The following DNAH11 variants were observed in gnomAD, a reference collection of about 807,000 sequenced individuals.
DNAH11 encodes dynein axonemal heavy chain 11, also known as axonemal beta dynein heavy chain 11.
DNAH11 carries 442 observed loss-of-function variants against 526.0 expected under a neutral mutation model. That is an observed-to-expected ratio of 0.84 (90% CI 0.78 to 0.91). DNAH11 has a LOEUF of 0.91. Among genes scored for constraint, DNAH11 ranks in the 40% least tolerant of loss-of-function variants. DNAH11 has a pLI of 0.00. For missense variants in DNAH11, 6,989 were observed against 5,448.7 expected, an observed-to-expected ratio of 1.28 and a Z score of -8.90; for synonymous variants, 2,461 against 1,935.9, an observed-to-expected ratio of 1.27 and a Z score of -7.12.
intron 44 of DNAH11, among the ~76,000 whole-genome samples, chr7:21,723,037 C>G (rs1159879242): frequency 6.6e-6 from 1 of 152,114 alleles, no homozygotes; most frequent in Non-Finnish European, 1.5e-5. Context: ...AATTAATAGT[C>G]AACATGAGCA....
intron 30 of DNAH11, among the ~76,000 whole-genome samples, chr7:21,661,941 C>A (rs997920317): frequency 6.6e-6 from 1 of 152,046 alleles, no homozygotes; most frequent in African/African-American, 2.4e-5. Context: ...GCCACAGCCT[C>A]CTGAGTAGCT....
At chr7:21,698,918 C>A (rs575201925) in intron 36 of DNAH11, among the ~76,000 whole-genome samples, 51 of 152,060 alleles carry the variant, frequency 3.4e-4, no homozygotes, top group African/African-American at 1.2e-3. Flanking sequence ...TTTATATTTT[C>A]TATAAAATTC....
In DNAH11 at chr7:21,655,560, A is replaced by AGC. The variant is rs566779722; in HGVS notation, c.4945-271_4945-270dup. On this transcript the variant is annotated intron_variant, in intron 28 of 81. Transcript: ENST00000409508. Reference sequence around the variant, plus strand: ...TATGGTACAGATAGAGAAGTCAGTAAGCATCCAGTCATCAAGTAGAAAATA... The same window carrying AGC: ...TATGGTACAGATAGAGAAGTCAGTAAGCGCATCCAGTCATCAAGTAGAAAATA... Among the ~76,000 whole-genome samples the AGC allele has an allele frequency of 4.1e-3, 628 of 152,336 alleles. 1 individual carries two copies. The highest frequency in any genetic ancestry group is 6.6e-3 in the Non-Finnish European group (450 of 68,038).
intron 26 of DNAH11, among the ~76,000 whole-genome samples, chr7:21,637,191 T>C (rs1786901978): frequency 6.6e-6 from 1 of 152,006 alleles, no homozygotes; most frequent in African/African-American, 2.4e-5. Context: ...TCTCTCTCTT[T>C]CTCTCTCTCC....
chr7:21,694,262 A>G (rs60414428), intron 35 of DNAH11, among the ~76,000 whole-genome samples: 20,484 of 152,088 alleles, frequency 0.13, 1,425 homozygotes, highest in East Asian at 0.21. Context: ...TACATGTGCA[A>G]TGGTCGTTTG....
At chr7:21,728,623 TATC>T (rs1354914757) in intron 45 of DNAH11, among the ~76,000 whole-genome samples, 1 of 152,148 alleles carries the variant, frequency 6.6e-6, no homozygotes, top group Admixed American at 6.5e-5. Flanking sequence ...ATAATCCAAA[TATC>T]ATCTACATGA....
chr7:21,768,696 G>C (rs1306207345), intron 55 of DNAH11, among the ~76,000 whole-genome samples: 1 of 152,194 alleles, frequency 6.6e-6, no homozygotes, highest in Non-Finnish European at 1.5e-5. Flanking sequence ...GCTTGTGAAG[G>C]ACATATTTTA....
At position 21,749,787 on chromosome 7, in the gene DNAH11, A is replaced by G; in HGVS notation, c.8783A>G (p.Asp2928Gly). Reference protein sequence around the residue: ...LDESFLVLINDLLASGEIPDL... With the variant: ...LDESFLVLINGLLASGEIPDL... ...GAGAGCTTCCTCGTGCTGATTAATG[A>G]CTTGCTGGCATCAGGTGATTAAACC... is the stretch of plus-strand genomic sequence containing the variant. Residue 2928 changes from aspartate to glycine, a missense_variant, in exon 53 of 82, where the codon GAC (aspartate) becomes GGC (glycine). Transcript: ENST00000409508. 2 of 1,613,902 alleles carry G rather than the reference A, an allele frequency of 1.2e-6. No homozygotes were observed. The highest frequency in any genetic ancestry group is 1.7e-6 in the Non-Finnish European group (2 of 1,179,822).
At chr7:21,799,212 G>A (rs899524671) in intron 61 of DNAH11, among the ~76,000 whole-genome samples, 14 of 152,196 alleles carry the variant, frequency 9.2e-5, no homozygotes, top group Non-Finnish European at 1.9e-4. Flanking sequence ...TGCTTAGCTG[G>A]TAGCAGCATC....
At chr7:21,610,341 A>G (rs1785470704) in intron 20 of DNAH11, among the ~76,000 whole-genome samples, 1 of 152,220 alleles carries the variant, frequency 6.6e-6, no homozygotes, top group Admixed American at 6.5e-5. Context: ...CCGGTTTTAT[A>G]CTACCCCTCT....
intron 54 of DNAH11, among the ~76,000 whole-genome samples, chr7:21,761,839 T>G (rs2128496821): frequency 6.6e-6 from 1 of 152,336 alleles, no homozygotes; most frequent in East Asian, 1.9e-4. Context: ...GTGACCATTC[T>G]GTATTATTTT....
Position 21,707,841 on chromosome 7 carries a change from A to G in DNAH11, c.6683+6A>G. 2.5e-6 allele frequency: 4 copies of G among 1,590,270 alleles called. No individual in the cohort carries two copies. Among genetic ancestry groups the G allele is most frequent in the Non-Finnish European group, 3.4e-6 (4 of 1,169,834 alleles). On this transcript the variant is annotated splice_donor_region_variant and intron_variant, in intron 40 of 81. Coordinates refer to ENST00000409508, the MANE Select transcript of DNAH11 (RefSeq NM_001277115.2). The stretch of plus-strand genomic sequence containing the variant: ...CGAGAATGGAAAGATGGCAAGTAGT[A>G]TTTCCCCTTTAGAAGTGCTCAATTT...
rs781605658 is a variant in DNAH11, at chr7:21,742,088, A to G, written c.8076A>G (p.Thr2692=). 37 of 1,613,804 alleles carry G rather than the reference A, an allele frequency of 2.3e-5. No homozygotes were observed. Among genetic ancestry groups the G allele is most frequent in the Non-Finnish European group, 3.0e-5 (35 of 1,179,852 alleles). The part of the protein sequence containing the change: ...LIQATIAFHQ[T]MMCNFLPTAI... The stretch of plus-strand genomic sequence containing the variant: ...AGGCAACAATAGCATTCCATCAGAC[A>G]ATGATGTGTAACTTTTTACCCACGG... Residue 2692 remains threonine, a synonymous_variant, in exon 49 of 82, where the codon ACA becomes ACG. Transcript: ENST00000409508.
intron 57 of DNAH11, among the ~76,000 whole-genome samples, chr7:21,780,977 T>C (rs1276323054): frequency 6.6e-6 from 1 of 152,126 alleles, no homozygotes; most frequent in Non-Finnish European, 1.5e-5. Context: ...TAGAGAGACA[T>C]GATGGTGGGA....
intron 65 of DNAH11, among the ~76,000 whole-genome samples, chr7:21,830,702 G>A (rs919248412): frequency 5.9e-5 from 9 of 152,032 alleles, no homozygotes; most frequent in Non-Finnish European, 1.3e-4. Flanking sequence ...TCAGTTGAGT[G>A]ATCTCTAGTG....
At chr7:21,595,878 A>C (rs1347663380) in intron 14 of DNAH11, among the ~76,000 whole-genome samples, 4 of 152,104 alleles carry the variant, frequency 2.6e-5, no homozygotes, top group Non-Finnish European at 5.9e-5. Flanking sequence ...TTAGGAGACC[A>C]GGGAGAAGAA....
intron 63 of DNAH11, among the ~76,000 whole-genome samples, chr7:21,816,116 A>G (rs2189022): frequency 0.43 from 64,708 of 151,866 alleles, 14,809 homozygotes; most frequent in East Asian, 0.82. Flanking sequence ...GGTGGGGGGC[A>G]TGGATTGCTC....
chr7:21,655,949 C>G lies in DNAH11; in HGVS notation c.5062C>G (p.Pro1688Ala), dbSNP rs1781998384. 3.1e-6 allele frequency: 5 copies of G among 1,608,726 alleles called. No individual in the cohort carries two copies. Among genetic ancestry groups the G allele is most frequent in the South Asian group, 2.2e-5 (2 of 89,936 alleles). Residue 1688 changes from proline (P) to alanine (A), a missense_variant, in exon 29 of 82, where the codon CCA (proline) becomes GCA (alanine). Coordinates refer to ENST00000409508, the MANE Select transcript of DNAH11 (RefSeq NM_001277115.2). ...GMYSKEKEYVPFQAECECVGH... is the reference protein window; with the variant it reads ...GMYSKEKEYVAFQAECECVGH... ...GTACAGCAAAGAAAAGGAGTATGTCCCATTCCAAGCCGAGTGTGAATGTGT... is the reference window on the plus strand; with the variant it reads ...GTACAGCAAAGAAAAGGAGTATGTCGCATTCCAAGCCGAGTGTGAATGTGT...
chr7:21,672,349 G>C (rs1276138499), intron 30 of DNAH11, among the ~76,000 whole-genome samples: 2 of 152,186 alleles, frequency 1.3e-5, no homozygotes, highest in Admixed American at 6.5e-5. Context: ...GCAGTAACGT[G>C]ATCATAGCTC....
Sources: allele counts gnomAD v4.1 joint callset (sites outside exome capture counted in the v4.1 genomes callset), GRCh38; gene constraint gnomAD v4.1.1; transcripts MANE v1.5; gene names NCBI Gene and HGNC (gene_info 2026-07-23, HGNC 2026-07-21).